FNBP4: variants seen among roughly 807,000 people sequenced by gnomAD.
FNBP4 encodes the protein formin binding protein 4.
In FNBP4, 34 loss-of-function variants were observed where a neutral mutation model predicts 119.3. The ratio of observed to expected loss-of-function variants is 0.28; its 90% CI spans 0.22 to 0.38. The LOEUF (loss-of-function observed/expected upper bound fraction) is 0.38, where lower values mean the gene tolerates loss of function less well. Among genes scored for constraint, FNBP4 ranks in the 10% least tolerant of loss-of-function variants. The pLI is 1.00. For synonymous variants in FNBP4, 462 were observed against 430.6 expected (o/e 1.07, Z -0.90); for missense variants, 1,112 against 1,228.9 (o/e 0.90, Z 1.42).
At chr11:47,731,952 C>T (rs1465337171) in intron 11 of FNBP4, 2 of 999,264 alleles carry the variant, frequency 2.0e-6, no homozygotes, top group Non-Finnish European at 2.4e-6. Context: ...TGACTCTTCC[C>T]CTCTTGGACC....
chr11:47,724,371 G>A (rs1481475184), intron 13 of FNBP4, 97 bp downstream of exon 13: 9 of 1,585,290 alleles, frequency 5.7e-6, no homozygotes, highest in East Asian at 2.2e-5. Flanking sequence ...GTGAGCCACC[G>A]TGCCCGGCCT....
intron 12 of FNBP4, chr11:47,729,782 G>A: frequency 1.0e-6 from 1 of 985,382 alleles, no homozygotes; most frequent in Non-Finnish European, 1.2e-6. Context: ...CTGATTAAGA[G>A]CTCTCTTTAT....
rs368514434 is a variant in FNBP4 at position 47,728,375 on chromosome 11, G to A, written c.2008+2999C>T. Reference sequence around the variant, plus strand: ...AGCGATTCTCCTGCCTCAGCCTCCCGAGTAGCTGGGATTACAGGCACCCGC... The same window carrying A: ...AGCGATTCTCCTGCCTCAGCCTCCCAAGTAGCTGGGATTACAGGCACCCGC... On this transcript the variant is annotated intron_variant, in intron 12 of 16. Transcript: ENST00000263773. 4.6e-5 allele frequency among the ~76,000 whole-genome samples: 7 copies of A among 151,560 alleles called. No individual in the cohort carries two copies. In the South Asian group the frequency reaches 1.0e-3, roughly 23 times the overall value.
At chr11:47,722,580 G>T (rs2097557064) in intron 15 of FNBP4, among the ~76,000 whole-genome samples, 1 of 151,134 alleles carries the variant, frequency 6.6e-6, no homozygotes, top group Admixed American at 6.6e-5. Flanking sequence ...AAAGTAAGCT[G>T]GACATTTCAA....
In FNBP4 at chr11:47,717,389, CAA is replaced by C. The variant is rs2097551071; in HGVS notation, c.*31_*32del. The C allele has an allele frequency of 7.0e-7, 1 of 1,438,226 alleles. No homozygotes were observed. The highest frequency in any genetic ancestry group is 1.4e-5 in the African/African-American group (1 of 71,152). The allele number at this position is 1,438,226 out of a possible 1,614,324, so 89.1% of individuals were successfully genotyped here. On this transcript the variant is annotated 3_prime_UTR_variant, in exon 17 of 17. Coordinates refer to ENST00000263773, the MANE Select transcript of FNBP4 (RefSeq NM_015308.5). ...GACTTTGAACTGAACACAAAACAAA[CAA>C]TAATACAAAAAAGTTTTAAAAACTT... is the stretch of plus-strand genomic sequence containing the variant.
intron 8 of FNBP4, among the ~76,000 whole-genome samples, chr11:47,742,457 G>C (rs955344551): frequency 1.1e-5 from 1 of 93,198 alleles, no homozygotes; most frequent in African/African-American, 4.3e-5. Context: ...CAGGCTGGGG[G>C]ACAGAGCAAG....
chr11:47,748,752 C>A (rs1039784624), intron 6 of FNBP4, among the ~76,000 whole-genome samples: 2 of 151,886 alleles, frequency 1.3e-5, no homozygotes, highest in Admixed American at 1.3e-4. Flanking sequence ...CAGATTCAAG[C>A]GATTCTCCTG....
rs1364061286 is a variant in FNBP4, at chr11:47,740,320, TAGAA to T, written c.1457-3584_1457-3581del. Among the ~76,000 whole-genome samples the T allele has an allele frequency of 8.8e-3, 1,315 of 149,482 alleles. 14 individuals are homozygous for T. Among genetic ancestry groups the T allele is most frequent in the African/African-American group, 0.025 (998 of 39,760 alleles). ...ATCCCAGCTACTCGGGAGGCTGAGA[TAGAA>T]CTGCTTGTACCCGGGAGGTGGAAGT... On this transcript the variant is annotated intron_variant, in intron 8 of 16. Coordinates refer to ENST00000263773, the MANE Select transcript of FNBP4 (RefSeq NM_015308.5).
chr11:47,726,407 ATTTTTTTTTTTTT>A (rs5791786), intron 12 of FNBP4: 2 of 135,688 alleles, frequency 1.5e-5, no homozygotes, highest in Admixed American at 1.6e-4. Flanking sequence ...CTAATTTTTA[ATTTTTTTTTTTTT>A]TTTTTTTTTA....
At position 47,744,089 on chromosome 11, in the gene FNBP4, T is replaced by C; in HGVS notation, c.1320A>G (p.Pro440=). 6.2e-7 allele frequency: 1 copy of C among 1,614,156 alleles called. No homozygotes were observed. Among genetic ancestry groups the C allele is most frequent in the Non-Finnish European group, 8.5e-7 (1 of 1,180,018 alleles). ...GCCTACGCATTCCATCTTGAGATGC[T>C]GGCTGGCTGATATCAGAACGTGGAC... ...GSSPRSDISQ[P]ASQDGMRRLM... Residue 440 remains proline (P), a synonymous_variant, in exon 8 of 17, where the codon CCA becomes CCG. Coordinates refer to ENST00000263773, the MANE Select transcript of FNBP4 (RefSeq NM_015308.5).
At chr11:47,738,692 CTTT>C (rs34723652) in intron 8 of FNBP4, among the ~76,000 whole-genome samples, 2 of 148,804 alleles carry the variant, frequency 1.3e-5, no homozygotes, top group Admixed American at 1.3e-4. Flanking sequence ...ATATTTTAAA[CTTT>C]TTTTTTTGAG....
At chr11:47,745,858 A>G (rs2097589237) in intron 7 of FNBP4, among the ~76,000 whole-genome samples, 198 bp downstream of exon 7, 2 of 152,160 alleles carry the variant, frequency 1.3e-5, no homozygotes, top group African/African-American at 2.4e-5. Flanking sequence ...AGTTCCCCCG[A>G]TAACTACCAA....
chr11:47,749,044 A>G (rs1380570181), intron 6 of FNBP4, among the ~76,000 whole-genome samples: 1 of 152,018 alleles, frequency 6.6e-6, no homozygotes, highest in Non-Finnish European at 1.5e-5. Flanking sequence ...GCATCACTTG[A>G]GCTCAGAGTT....
chr11:47,723,140 T>C lies in FNBP4; in HGVS notation c.2641A>G (p.Ile881Val), dbSNP rs377684522. Reference protein sequence around the residue: ...IMSYAECSVPIGVTAPSLQPV... With the variant: ...IMSYAECSVPVGVTAPSLQPV... ...TGCAATGAGGGAGCAGTCACTCCAATTGGGACAGAACATTCTGCATAACTC... is the reference window on the plus strand; with the variant it reads ...TGCAATGAGGGAGCAGTCACTCCAACTGGGACAGAACATTCTGCATAACTC... The change falls in exon 15 of 17, where the codon ATT (isoleucine) becomes GTT (valine). Residue 881 changes from isoleucine (I) to valine (V), a missense_variant. Ile to Val is a conservative substitution (Grantham distance 29). This residue lies in a region of FNBP4 where 826 missense variants were observed against 988.8 expected (regional missense o/e 0.84). Transcript: ENST00000263773. 30 of 1,613,962 alleles carry C rather than the reference T, an allele frequency of 1.9e-5. No individual in the cohort carries two copies. The highest frequency in any genetic ancestry group is 3.3e-5 in the Admixed American group (2 of 59,996).
chr11:47,765,536 C>T (rs1400974610), intron 1 of FNBP4, among the ~76,000 whole-genome samples, 174 bp from the exon 2 acceptor site: 3 of 122,432 alleles, frequency 2.5e-5, no homozygotes, highest in East Asian at 4.6e-4. Context: ...TGGGTTCGCA[C>T]CTGTAATCCC....
At chr11:47,763,510 T>C (rs1180051538) in intron 2 of FNBP4, among the ~76,000 whole-genome samples, 3 of 151,514 alleles carry the variant, frequency 2.0e-5, no homozygotes, top group Non-Finnish European at 2.9e-5. Flanking sequence ...TTTTGTTTTG[T>C]TTTGTTTTGA....
chr11:47,724,276 G>A, intron 13 of FNBP4, 104 bp from the exon 14 acceptor site: 1 of 1,525,668 alleles, frequency 6.6e-7, no homozygotes. Context: ...TGCACAAGCT[G>A]CAGTGGTGAG....
At chr11:47,738,847 A>ATTTATTTTTTTTTT (rs2097577757) in intron 8 of FNBP4, among the ~76,000 whole-genome samples, 1 of 110,954 alleles carries the variant, frequency 9.0e-6, no homozygotes, top group East Asian at 2.8e-4. Context: ...TGCCCAGGTA[A>ATTTATTTTTTTTTT]TTTTTTTTTT....
intron 1 of FNBP4, among the ~76,000 whole-genome samples, 195 bp from the exon 2 acceptor site, chr11:47,765,557 G>A (rs1044181768): frequency 2.6e-5 from 3 of 113,634 alleles, no homozygotes; most frequent in African/African-American, 1.0e-4. Context: ...AGCACTTTGG[G>A]AGGCCAAGAC....
Sources: gnomAD v4.1 joint callset for allele counts (sites outside exome capture counted in the v4.1 genomes callset) on GRCh38, gnomAD v4.1.1 for gene constraint, gnomAD v4.1.1 regional missense constraint, MANE v1.5 for transcripts, NCBI Gene and HGNC (gene_info 2026-07-23, HGNC 2026-07-21) for gene names.